Variants in GNB4 observed in about 807,000 individuals in gnomAD.
The protein encoded by GNB4 is G protein subunit beta 4, also known as guanine nucleotide-binding protein subunit beta-4.
A neutral mutation model predicts 45.2 loss-of-function variants in GNB4; 28 were observed. That is an observed-to-expected ratio of 0.62 (90% CI 0.46 to 0.85). The LOEUF is 0.85. Ranked by LOEUF, GNB4 falls within the 40% of genes least tolerant of loss-of-function variation. GNB4 has a pLI of 0.00. For missense variants in GNB4, 321 were observed against 425.4 expected (o/e 0.75, Z 2.16); for synonymous variants, 132 against 143.7 (o/e 0.92, Z 0.58).
At chr3:179,514,244 A>G in the GNB4 span, among the ~76,000 whole-genome samples, 1 of 152,232 alleles carries the variant, frequency 6.6e-6, no homozygotes, top group South Asian at 2.1e-4. Flanking sequence ...GGTCAGAGAT[A>G]TAGGTATGAT....
the GNB4 span, among the ~76,000 whole-genome samples, chr3:179,500,762 G>A: frequency 2.0e-5 from 3 of 152,100 alleles, no homozygotes; most frequent in Non-Finnish European, 4.4e-5. Flanking sequence ...ATTTCTTTGA[G>A]CAGTGGTTTG....
the GNB4 span, among the ~76,000 whole-genome samples, chr3:179,470,322 T>C: frequency 6.6e-6 from 1 of 151,992 alleles, no homozygotes; most frequent in Admixed American, 6.5e-5. Flanking sequence ...GACAGCTCCT[T>C]GTGTGTTATT....
chr3:179,435,182 C>T (rs992472606), intron 1 of GNB4, among the ~76,000 whole-genome samples: 12 of 152,162 alleles, frequency 7.9e-5, no homozygotes, highest in Non-Finnish European at 8.8e-5. Flanking sequence ...CTCTGCCATA[C>T]GGCCTCTTTT....
At chr3:179,481,828 A>G in the GNB4 span, among the ~76,000 whole-genome samples, 1 of 152,220 alleles carries the variant, frequency 6.6e-6, no homozygotes, top group African/African-American at 2.4e-5. Context: ...AGTTTCAACT[A>G]CAACCTAAAT....
At chr3:179,427,651 G>A (rs1057175381) in intron 1 of GNB4, among the ~76,000 whole-genome samples, 1 of 150,492 alleles carries the variant, frequency 6.6e-6, no homozygotes, top group Non-Finnish European at 1.5e-5. Flanking sequence ...TTCAGGTAGG[G>A]TCTCTGTTTG....
At chr3:179,472,624 A>G in the GNB4 span, among the ~76,000 whole-genome samples, 6 of 152,172 alleles carry the variant, frequency 3.9e-5, no homozygotes, top group South Asian at 1.2e-3. Context: ...CCAGCCTCCC[A>G]AAGTACTGGG....
At chr3:179,468,510 A>C in the GNB4 span, among the ~76,000 whole-genome samples, 2 of 146,626 alleles carry the variant, frequency 1.4e-5, no homozygotes, top group Non-Finnish European at 3.0e-5. Context: ...AAAAAAAAAA[A>C]CAAAAAACAA....
At chr3:179,428,402 G>A (rs1447016060) in intron 1 of GNB4, among the ~76,000 whole-genome samples, 1 of 152,168 alleles carries the variant, frequency 6.6e-6, no homozygotes, top group East Asian at 1.9e-4. Context: ...ATTACAGCCG[G>A]TCTGGAATCC....
At chr3:179,418,948 CGAG>C (rs1307036922) in intron 4 of GNB4, among the ~76,000 whole-genome samples, 1 of 152,150 alleles carries the variant, frequency 6.6e-6, no homozygotes, top group Non-Finnish European at 1.5e-5. Flanking sequence ...GTGATGCAGT[CGAG>C]GGAGTAAAAG....
chr3:179,461,341 C>CA, the GNB4 span, among the ~76,000 whole-genome samples: 7 of 152,002 alleles, frequency 4.6e-5, no homozygotes, highest in African/African-American at 1.7e-4. Context: ...ACTAAAAATA[C>CA]AAAAAATTAG....
chr3:179,406,361 A>G (rs879152881), intron 8 of GNB4, among the ~76,000 whole-genome samples: 2 of 152,112 alleles, frequency 1.3e-5, no homozygotes, highest in African/African-American at 4.8e-5. Flanking sequence ...ATCCTGTATT[A>G]TATGTAGTGT....
intron 5 of GNB4, 110 bp downstream of exon 5, chr3:179,416,383 A>G (rs1714799616): frequency 4.6e-6 from 3 of 654,964 alleles, no homozygotes; most frequent in Non-Finnish European, 8.0e-6. Context: ...AATAAACAAT[A>G]AATTTATCTC....
At chr3:179,448,407 A>G (rs1384995089) in intron 1 of GNB4, among the ~76,000 whole-genome samples, 4 of 151,980 alleles carry the variant, frequency 2.6e-5, no homozygotes, top group African/African-American at 7.3e-5. Context: ...ATAATAGCCT[A>G]CTACACAGAG....
the GNB4 span, chr3:179,465,163 T>C: frequency 2.4e-6 from 3 of 1,272,634 alleles, no homozygotes; most frequent in Non-Finnish European, 3.4e-6. Context: ...CAGTCACTGA[T>C]ATGGGAATAA....
intron 8 of GNB4, among the ~76,000 whole-genome samples, chr3:179,408,347 T>C (rs1179161537): frequency 2.6e-5 from 4 of 152,036 alleles, no homozygotes; most frequent in South Asian, 2.1e-4. Context: ...GGCAAAGCAA[T>C]AGGACCCATC....
the GNB4 span, among the ~76,000 whole-genome samples, chr3:179,484,474 T>C: frequency 8.9e-3 from 1,353 of 152,358 alleles, 31 homozygotes; most frequent in African/African-American, 0.031. Flanking sequence ...CGCACAGCAG[T>C]GAAAAAATTG....
intron 8 of GNB4, among the ~76,000 whole-genome samples, chr3:179,411,198 C>T (rs1714641267): frequency 6.6e-6 from 1 of 152,040 alleles, no homozygotes; most frequent in Non-Finnish European, 1.5e-5. Context: ...ATTTCAGCAA[C>T]TCACTCAGTG....
chr3:179,410,191 G>A (rs1714611002), intron 8 of GNB4: 1 of 152,180 alleles, frequency 6.6e-6, no homozygotes, highest in Admixed American at 6.5e-5. Flanking sequence ...CCCAGTATCA[G>A]GTATTTCTTC....
At chr3:179,425,430 G>A (rs536640006) in intron 2 of GNB4, among the ~76,000 whole-genome samples, 8 of 152,166 alleles carry the variant, frequency 5.3e-5, no homozygotes, top group Non-Finnish European at 1.2e-4. Flanking sequence ...TTGATTCCAA[G>A]AGTAAAAGGT....
Sources: allele counts gnomAD v4.1 joint callset (sites outside exome capture counted in the v4.1 genomes callset), GRCh38; gene constraint gnomAD v4.1.1; transcripts MANE v1.5; gene names NCBI Gene and HGNC (gene_info 2026-07-23, HGNC 2026-07-21).